The following RNF14 variants were observed in gnomAD, a reference collection of about 807,000 sequenced individuals.
The protein encoded by RNF14 is E3 ubiquitin-protein ligase RNF14.
In RNF14, 26 loss-of-function variants were observed where a neutral mutation model predicts 52.6. The ratio of observed to expected loss-of-function variants is 0.49; its 90% CI spans 0.36 to 0.69. RNF14 has a LOEUF of 0.69. Ranked by LOEUF, RNF14 falls within the 30% of genes least tolerant of loss-of-function variation. RNF14 has a pLI of 0.00. For missense variants in RNF14, 404 were observed against 560.4 expected (o/e 0.72, Z 2.82); for synonymous variants, 194 against 202.0 (o/e 0.96, Z 0.34).
At chr5:141,986,869 A>G (rs995121694) in intron 8 of RNF14, among the ~76,000 whole-genome samples, 7 of 152,224 alleles carry the variant, frequency 4.6e-5, no homozygotes, top group Non-Finnish European at 1.0e-4. Flanking sequence ...TGTGCAGTTG[A>G]GCTTCATTAC....
chr5:141,978,652 T>C lies in RNF14; in HGVS notation c.656T>C (p.Leu219Pro), dbSNP rs1754473470. Residue 219 changes from leucine (L) to proline (P), a missense_variant, in exon 5 of 9, where the codon CTG becomes CCG. Coordinates refer to ENST00000394520, the MANE Select transcript of RNF14 (RefSeq NM_004290.5). ...QIKCFNSKLF[L>P]CSICFCEKLG... Reference sequence around the variant, plus strand: ...AAATGCTTTAATAGTAAATTGTTCCTGTGCAGTATCTGTTTCTGTGAGAAG... The same window carrying C: ...AAATGCTTTAATAGTAAATTGTTCCCGTGCAGTATCTGTTTCTGTGAGAAG... 1 of 1,613,934 alleles carries C rather than the reference T, an allele frequency of 6.2e-7. No individual in the cohort carries two copies. Among genetic ancestry groups the C allele is most frequent in the African/African-American group, 1.3e-5 (1 of 74,944 alleles).
intron 6 of RNF14, 51 bp from the exon 7 acceptor site, chr5:141,983,329 G>C (rs779546873): frequency 7.3e-7 from 1 of 1,372,490 alleles, no homozygotes; most frequent in Non-Finnish European, 1.0e-6. Flanking sequence ...AATGATTTTT[G>C]GTCAGCATTA....
intron 6 of RNF14, among the ~76,000 whole-genome samples, chr5:141,982,862 A>G (rs527839513): frequency 1.3e-5 from 2 of 152,336 alleles, no homozygotes; most frequent in South Asian, 2.1e-4. Context: ...GGAAAAATCA[A>G]TGTCTGTTTC....
In RNF14 at chr5:141,987,888, C is replaced by A; in HGVS notation, c.*98C>A. 2.7e-6 allele frequency: 3 copies of A among 1,101,028 alleles called. No individual in the cohort carries two copies. Among genetic ancestry groups the A allele is most frequent in the Non-Finnish European group, 4.2e-6 (3 of 717,784 alleles). 68.2% of individuals were successfully genotyped at this position (1,101,028 alleles called of 1,614,324 possible). On this transcript the variant is annotated 3_prime_UTR_variant, in exon 9 of 9. Transcript: ENST00000394520. ...CGGGATATTTAGGGTACTATTCATT[C>A]ACTCTTCCTGCGTAGAAGATATGGA...
chr5:141,974,859 G>A lies in RNF14; in HGVS notation c.210G>A (p.Leu70=), dbSNP rs765377623. Reference sequence around the variant, plus strand: ...GCTTTGAATACACCATTTGCTTTCTGCCTCCACTTGTGCTGAACTTTGAAC... The same window carrying A: ...GCTTTGAATACACCATTTGCTTTCTACCTCCACTTGTGCTGAACTTTGAAC... The part of the protein sequence containing the change: ...NSGFEYTICF[L]PPLVLNFELP... Residue 70 remains leucine (L), a synonymous_variant, in exon 4 of 9, where the codon CTG becomes CTA. Transcript: ENST00000394520. The A allele has an allele frequency of 4.3e-6, 7 of 1,613,874 alleles. No individual in the cohort carries two copies. Among genetic ancestry groups the A allele is most frequent in the Non-Finnish European group, 5.9e-6 (7 of 1,179,950 alleles).
At chr5:141,949,548 C>G in the RNF14 span, 2 of 1,614,176 alleles carry the variant, frequency 1.2e-6, no homozygotes, top group Non-Finnish European at 1.7e-6. Context: ...GCCTCCAGCC[C>G]TTGCACTTGG....
At chr5:141,955,764 G>A (rs1398765487), upstream of RNF14, 1 of 1,614,004 alleles carries the variant, frequency 6.2e-7, no homozygotes, top group Non-Finnish European at 8.5e-7. This position sits in a 1 kb window ranked among gnomAD's most constrained non-coding sequence, Gnocchi z 5.5. Context: ...CCACACTGGT[G>A]ACAAACATGA....
chr5:141,957,192 C>T, upstream of RNF14: 1 of 1,614,134 alleles, frequency 6.2e-7, no homozygotes, highest in Non-Finnish European at 8.5e-7. This position sits in a 1 kb window ranked among gnomAD's most constrained non-coding sequence, Gnocchi z 4.3. Context: ...TGGGGGGGTT[C>T]CCATTGTCAT....
At chr5:141,956,337 A>G (rs139880464), upstream of RNF14, 11 of 1,614,104 alleles carry the variant, frequency 6.8e-6, no homozygotes, top group African/African-American at 1.3e-4. Flanking sequence ...CTACTAAGTG[A>G]GCAACTGGGG....
chr5:141,985,072 C>T (rs252100), intron 8 of RNF14, 139 bp downstream of exon 8: 668,070 of 782,992 alleles, frequency 0.85, 286,218 homozygotes, highest in East Asian at 0.99. Flanking sequence ...AAGGAATTTT[C>T]ATATTATTTT....
chr5:141,983,260 C>T, intron 6 of RNF14, 120 bp from the exon 7 acceptor site: 1 of 793,092 alleles, frequency 1.3e-6, no homozygotes, highest in Non-Finnish European at 1.9e-6. Flanking sequence ...TGGATTATTT[C>T]CTTATGATAA....
At chr5:141,982,733 A>G (rs1409845348) in intron 6 of RNF14, 1 of 65,740 alleles carries the variant, frequency 1.5e-5, no homozygotes, top group African/African-American at 6.6e-5. Flanking sequence ...GCTAAGTTTT[A>G]TTCACTGATT....
intron 6 of RNF14, 39 bp downstream of exon 6, chr5:141,980,390 C>A: frequency 1.4e-6 from 2 of 1,452,776 alleles, no homozygotes; most frequent in South Asian, 2.3e-5. Context: ...CATCCCCAGT[C>A]TCTCCCTCAC....
the RNF14 span, chr5:141,951,374 AC>A: frequency 1.4e-6 from 1 of 740,314 alleles, no homozygotes; most frequent in Non-Finnish European, 2.4e-6. Context: ...TGTCTGCTGC[AC>A]CCTCCCAGGG....
intron 5 of RNF14, 73 bp downstream of exon 5, chr5:141,978,903 CT>C: frequency 6.6e-7 from 1 of 1,516,728 alleles, no homozygotes. Flanking sequence ...CAGGAACTTC[CT>C]TGATAGGGCT....
In RNF14 at chr5:141,984,926, T is replaced by C; in HGVS notation, c.1360T>C (p.Phe454Leu). Residue 454 changes from phenylalanine (F) to leucine (L), a missense_variant, in exon 8 of 9, where the codon TTT (phenylalanine) becomes CTT (leucine). Transcript: ENST00000394520. ...TTTCAATGACCCTGGTTCACCATGT[T>C]TTAACCGGTATGTATACACAGAATT... ...KHFNDPGSPC[F>L]NRLFYAVDVD... 6.2e-7 allele frequency: 1 copy of C among 1,613,888 alleles called. No homozygotes were observed. Among genetic ancestry groups the C allele is most frequent in the Non-Finnish European group, 8.5e-7 (1 of 1,179,796 alleles).
At chr5:141,969,992 A>T (rs1468146447) in intron 1 of RNF14, among the ~76,000 whole-genome samples, 2 of 152,242 alleles carry the variant, frequency 1.3e-5, no homozygotes, top group South Asian at 2.1e-4. Flanking sequence ...GACCTAATAC[A>T]GTACATAGTA....
upstream of RNF14, chr5:141,955,998 C>G: frequency 1.2e-6 from 2 of 1,614,194 alleles, no homozygotes; most frequent in Non-Finnish European, 1.7e-6. The surrounding 1 kb of genome is among the most constrained non-coding windows in gnomAD (Gnocchi z 5.5). Flanking sequence ...CAATGGTTGT[C>G]AAAAGGAATG....
chr5:141,970,244 CTTGTT>C (rs759428025), intron 1 of RNF14, among the ~76,000 whole-genome samples: 13 of 152,126 alleles, frequency 8.5e-5, no homozygotes, highest in East Asian at 5.8e-4. Flanking sequence ...TTTGTGTACT[CTTGTT>C]TTGTTTAAGT....
Sources: gnomAD v4.1 joint callset for allele counts (sites outside exome capture counted in the v4.1 genomes callset) on GRCh38, gnomAD v4.1.1 for gene constraint, Gnocchi (gnomAD v3.1) non-coding constraint, MANE v1.5 for transcripts, NCBI Gene and HGNC (gene_info 2026-07-23, HGNC 2026-07-21) for gene names.